Variants in CDHR2 observed in about 807,000 individuals in gnomAD.
The protein encoded by CDHR2 is cadherin related family member 2.
In CDHR2, 104 loss-of-function variants were observed where a neutral mutation model predicts 138.6. That is an observed-to-expected ratio of 0.75 (90% CI 0.64 to 0.88). The LOEUF is 0.88. Among genes scored for constraint, CDHR2 ranks in the 40% least tolerant of loss-of-function variants. CDHR2 has a pLI of 0.00. For missense variants in CDHR2, 1,624 were observed against 1,727.6 expected (o/e 0.94, Z 1.06); for synonymous variants, 755 against 742.8 (o/e 1.02, Z -0.27).
intron 1 of CDHR2, among the ~76,000 whole-genome samples, chr5:176,558,830 T>G (rs1288166981): frequency 6.6e-6 from 1 of 152,242 alleles, no homozygotes; most frequent in Non-Finnish European, 1.5e-5. Context: ...GCTTGCTTAG[T>G]TTTCTACATG....
chr5:176,568,574 T>C, intron 3 of CDHR2, 104 bp from the exon 4 acceptor site: 1 of 1,315,784 alleles, frequency 7.6e-7, no homozygotes, highest in Non-Finnish European at 1.0e-6. Flanking sequence ...GTCAAGCCTG[T>C]GTACAGGGCA....
intron 1 of CDHR2, among the ~76,000 whole-genome samples, chr5:176,561,463 C>T (rs1293133010): frequency 6.6e-6 from 1 of 152,124 alleles, no homozygotes; most frequent in East Asian, 1.9e-4. Context: ...AGACGCAGAC[C>T]TTGCCCTCAC....
intron 1 of CDHR2, among the ~76,000 whole-genome samples, chr5:176,563,880 G>A (rs1341193804): frequency 6.6e-6 from 1 of 152,130 alleles, no homozygotes; most frequent in African/African-American, 2.4e-5. Context: ...TTTTGGAAAA[G>A]TTAACATATT....
rs1017420478 is a variant in CDHR2, at chr5:176,581,514, A to C, written c.1990A>C (p.Thr664Pro). ...CGCCCTGGAGGGCCGCATTGTGCTG[A>C]CAGTGCTTGTGTCTGACTGCGGCGA... ...DPALEGRIVL[T>P]VLVSDCGEPV... Residue 664 changes from threonine to proline, a missense_variant, in exon 17 of 32, where the codon ACA becomes CCA. Transcript: ENST00000261944. The C allele has an allele frequency of 6.2e-7, 1 of 1,614,060 alleles. No homozygotes were observed. Among genetic ancestry groups the C allele is most frequent in the Admixed American group, 1.7e-5 (1 of 60,006 alleles).
chr5:176,586,599 A>T (rs1365001473), intron 20 of CDHR2, 194 bp from the exon 21 acceptor site: 14 of 590,210 alleles, frequency 2.4e-5, no homozygotes, highest in Admixed American at 2.3e-4. Flanking sequence ...TGGGCCTGTG[A>T]CCTCACCTGT....
At chr5:176,586,666 G>T (rs1384430443) in intron 20 of CDHR2, 127 bp from the exon 21 acceptor site, 3 of 759,836 alleles carry the variant, frequency 3.9e-6, no homozygotes, top group Non-Finnish European at 6.6e-6. Context: ...TGTAATAGGG[G>T]TCTCTTTTGG....
intron 1 of CDHR2, among the ~76,000 whole-genome samples, chr5:176,552,317 G>A (rs1397286358): frequency 2.0e-5 from 3 of 152,258 alleles, no homozygotes; most frequent in African/African-American, 7.2e-5. Flanking sequence ...CATGTAGGCA[G>A]AAGGCAAAGA....
rs760078510 is a variant in CDHR2 at position 176,576,472 on chromosome 5, C to T, written c.1194+287C>T. ...ATTGTCCGTGGTGATGGGTGGCTGG[C>T]GAGGTCTCCTGGCATTGGGCGGCCA... On this transcript the variant is annotated intron_variant, in intron 12 of 31. Transcript: ENST00000261944. The surrounding 1 kb of genome is among the most constrained non-coding windows in gnomAD (Gnocchi z 4.5). Among the ~76,000 whole-genome samples the T allele has an allele frequency of 2.5e-4, 38 of 151,834 alleles. No homozygotes were observed. The highest frequency in any genetic ancestry group is 6.2e-4 in the South Asian group (3 of 4,810).
intron 17 of CDHR2, 95 bp downstream of exon 17, chr5:176,581,677 C>A (rs1758537999): frequency 6.6e-7 from 1 of 1,507,384 alleles, no homozygotes; most frequent in Non-Finnish European, 9.0e-7. Context: ...CTGCAGCCAG[C>A]CTGCCTGGGT....
chr5:176,548,647 G>A (rs1392375021), upstream of CDHR2, among the ~76,000 whole-genome samples: 1 of 152,186 alleles, frequency 6.6e-6, no homozygotes, highest in Non-Finnish European at 1.5e-5. Context: ...AGAGGCTGAG[G>A]TAGGAGAATT....
rs116138699 is a variant in CDHR2 at position 176,586,822 on chromosome 5, C to T, written c.2836C>T (p.Arg946Trp). ...CATCCCTGAACTCGTGCTGCCCAAC[C>T]GGGAGGTGGCTTCTGTCCGGGTAAG... Reference protein sequence around the residue: ...VIIPELVLPNREVASVRARDD... With the variant: ...VIIPELVLPNWEVASVRARDD... The change falls in exon 21 of 32, where the codon CGG (arginine) becomes TGG (tryptophan). Residue 946 changes from arginine to tryptophan, a missense_variant. Physicochemically the swap from Arg to Trp is moderately radical, Grantham distance 101. Coordinates refer to ENST00000261944, the MANE Select transcript of CDHR2 (RefSeq NM_017675.6). The T allele has an allele frequency of 8.9e-3, 14,281 of 1,610,014 alleles. 89 individuals carry two copies. Among genetic ancestry groups the T allele is most frequent in the Non-Finnish European group, 9.4e-3 (11,022 of 1,178,222 alleles).
At chr5:176,577,985 G>A (rs1450471872) in intron 14 of CDHR2, 49 bp from the exon 15 acceptor site, 1 of 1,551,274 alleles carries the variant, frequency 6.4e-7, no homozygotes, top group Non-Finnish European at 8.8e-7. Context: ...ATGGGTGGCG[G>A]TGCGTGCATC....
Position 176,581,330 on chromosome 5 carries a change from C to G in CDHR2, c.1819-13C>G, listed in dbSNP as rs567793931. The G allele has an allele frequency of 6.2e-7, 1 of 1,611,702 alleles. No individual in the cohort carries two copies. The highest frequency in any genetic ancestry group is 1.3e-5 in the African/African-American group (1 of 74,916). On this transcript the variant is annotated splice_polypyrimidine_tract_variant and intron_variant, in intron 16 of 31. Coordinates refer to ENST00000261944, the MANE Select transcript of CDHR2 (RefSeq NM_017675.6). The stretch of plus-strand genomic sequence containing the variant: ...GCCGATGGCCGATGACCAACCCCTG[C>G]TTACGTGCACAGGCCCACGACAATG...
intron 15 of CDHR2, 46 bp downstream of exon 15, chr5:176,578,141 AGG>A: frequency 6.5e-7 from 1 of 1,540,116 alleles, no homozygotes; most frequent in Non-Finnish European, 8.9e-7. Flanking sequence ...AGCAGGGCCC[AGG>A]CCCACCTCTC....
At chr5:176,552,809 C>T (rs992898288) in intron 1 of CDHR2, among the ~76,000 whole-genome samples, 2 of 152,220 alleles carry the variant, frequency 1.3e-5, no homozygotes, top group Non-Finnish European at 2.9e-5. Context: ...GACAGGGTGG[C>T]ACCCCCACTC....
chr5:176,569,874 C>T lies in CDHR2; in HGVS notation c.315+864C>T, dbSNP rs191444828. 3.6e-3 allele frequency among the ~76,000 whole-genome samples: 551 copies of T among 151,870 alleles called. 7 individuals carry two copies. Among genetic ancestry groups the T allele is most frequent in the African/African-American group, 0.013 (519 of 41,422 alleles). ...ACTCAGGAGGCTGAGGCACAAGAAT[C>T]GCTTGAACCCGGGAGGTGGAGGTTG... On this transcript the variant is annotated intron_variant, in intron 5 of 31. Transcript: ENST00000261944.
chr5:176,580,234 A>G (rs1400244360), intron 16 of CDHR2, among the ~76,000 whole-genome samples: 1 of 152,100 alleles, frequency 6.6e-6, no homozygotes, highest in Non-Finnish European at 1.5e-5. Flanking sequence ...TATTTAAAAC[A>G]TATAGCGCTG....
In CDHR2 at chr5:176,578,369, G is replaced by C; in HGVS notation, c.1579G>C (p.Asp527His). The change falls in exon 16 of 32, where the codon GAC becomes CAC. Residue 527 changes from aspartate (D) to histidine (H), a missense_variant. Physicochemically the swap from Asp to His is moderately conservative, Grantham distance 81. Transcript: ENST00000261944. ...GAACCTGGCCCCTCTGAGCAGGGCA[G>C]ACCTCTTCCAAGTGGATCCCGTCTC... ...TYSLLPGNGA[D>H]LFQVDPVSGT... 3.7e-6 allele frequency: 6 copies of C among 1,612,348 alleles called. No homozygotes were observed. The highest frequency in any genetic ancestry group is 5.1e-6 in the Non-Finnish European group (6 of 1,179,280).
chr5:176,588,936 C>A, intron 21 of CDHR2, 95 bp from the exon 22 acceptor site: 1 of 1,350,888 alleles, frequency 7.4e-7, no homozygotes, highest in Admixed American at 2.0e-5. Context: ...CGGTGAGGGC[C>A]AGCCTCCCAG....
Sources: allele counts gnomAD v4.1 joint callset (sites outside exome capture counted in the v4.1 genomes callset), GRCh38; gene constraint gnomAD v4.1.1; non-coding constraint Gnocchi (gnomAD v3.1); transcripts MANE v1.5; gene names NCBI Gene and HGNC (gene_info 2026-07-23, HGNC 2026-07-21).